The following TENT4A variants were observed in gnomAD, a reference collection of about 807,000 sequenced individuals.
TENT4A encodes DNA polymerase kappa.
In TENT4A, 7 loss-of-function variants were observed where a neutral mutation model predicts 72.8. The ratio of observed to expected loss-of-function variants is 0.10; its 90% CI spans 0.05 to 0.18. The LOEUF (loss-of-function observed/expected upper bound fraction) is 0.18, where lower values mean the gene tolerates loss of function less well. TENT4A is among the 10% of genes least tolerant of loss of function. The pLI is 1.00. For synonymous variants in TENT4A, 456 were observed against 434.3 expected (o/e 1.05, Z -0.62); for missense variants, 831 against 1,017.7 (o/e 0.82, Z 2.50).
intron 11 of TENT4A, among the ~76,000 whole-genome samples, chr5:6,752,170 C>T (rs1185660367): frequency 6.6e-6 from 1 of 152,222 alleles, no homozygotes; most frequent in Non-Finnish European, 1.5e-5. Context: ...TTTAACCACC[C>T]ACAAGCCTTG....
At chr5:6,715,300 A>G (rs531544400) in intron 1 of TENT4A, among the ~76,000 whole-genome samples, 3 of 152,334 alleles carry the variant, frequency 2.0e-5, no homozygotes, top group South Asian at 2.1e-4. Flanking sequence ...ATATATGTCT[A>G]TTCTTTGGAA....
Position 6,714,635 on chromosome 5 carries a change from G to T in TENT4A, c.652G>T (p.Gly218Trp), listed in dbSNP as rs1254092658. 2 of 1,198,554 alleles carry T rather than the reference G, an allele frequency of 1.7e-6. No individual in the cohort carries two copies. Among genetic ancestry groups the T allele is most frequent in the Admixed American group, 4.5e-5 (1 of 22,462 alleles). 74.2% of individuals were successfully genotyped at this position (1,198,554 alleles called of 1,614,324 possible). A position where few individuals can be genotyped will look rare whatever the true frequency, so the allele number is the denominator to read the frequency against. ...CGCTCTCAGCGGAGGGGGCGGCCCC[G>T]GGGCCCAGGCGCCGCGGCCCGGCAC... is the stretch of plus-strand genomic sequence containing the variant. The part of the protein sequence containing the change: ...AAALSGGGGP[G>W]AQAPRPGTPW... The change falls in exon 1 of 13, where the codon GGG becomes TGG. Residue 218 changes from glycine (G) to tryptophan (W), a missense_variant. Transcript: ENST00000230859.
chr5:6,750,571 C>A, intron 10 of TENT4A, 68 bp downstream of exon 10: 2 of 1,396,504 alleles, frequency 1.4e-6, no homozygotes, highest in Non-Finnish European at 1.9e-6. Context: ...TCCATAGCCG[C>A]GAGCTTAAAA....
In TENT4A at chr5:6,750,227, A is replaced by G. The variant is rs187965761; in HGVS notation, c.1688-104A>G. 19 of 840,588 alleles carry G rather than the reference A, an allele frequency of 2.3e-5. No homozygotes were observed. In the South Asian group the frequency reaches 2.5e-4, roughly 11 times the overall value. 52.1% of individuals were successfully genotyped at this position (840,588 alleles called of 1,614,324 possible). ...ACCTAATGTTGGGTTTGTTAGTCAC[A>G]TTAGCAGCGTTCCCGGCTCAGCAGA... On this transcript the variant is annotated intron_variant, in intron 9 of 12. Transcript: ENST00000230859.
At chr5:6,745,740 G>A (rs1742053388) in intron 6 of TENT4A, among the ~76,000 whole-genome samples, 1 of 152,180 alleles carries the variant, frequency 6.6e-6, no homozygotes, top group African/African-American at 2.4e-5. Flanking sequence ...TAATGCTAAT[G>A]ACCTTTACAC....
chr5:6,729,057 T>C (rs1741077359), intron 1 of TENT4A, among the ~76,000 whole-genome samples: 1 of 152,198 alleles, frequency 6.6e-6, no homozygotes, highest in South Asian at 2.1e-4. Context: ...ATGTACACAA[T>C]TTTCTGAATA....
chr5:6,738,759 G>C, intron 3 of TENT4A, 30 bp downstream of exon 3: 1 of 1,547,638 alleles, frequency 6.5e-7, no homozygotes, highest in Non-Finnish European at 8.9e-7. Context: ...GCATGGGCTA[G>C]TGGGGGGCTG....
At chr5:6,730,564 C>T (rs1398420328) in intron 1 of TENT4A, among the ~76,000 whole-genome samples, 1 of 152,114 alleles carries the variant, frequency 6.6e-6, no homozygotes, top group Non-Finnish European at 1.5e-5. Flanking sequence ...CTTGCCTGGC[C>T]TTCCCCTTAC....
At chr5:6,717,233 C>T (rs115763941) in intron 1 of TENT4A, among the ~76,000 whole-genome samples, 2,817 of 152,356 alleles carry the variant, frequency 0.018, 35 homozygotes, top group South Asian at 0.04. Context: ...TGTGGCTTAG[C>T]TAAGGAAATA....
intron 5 of TENT4A, among the ~76,000 whole-genome samples, chr5:6,743,276 C>T (rs1413266495): frequency 1.3e-5 from 2 of 152,182 alleles, no homozygotes; most frequent in African/African-American, 4.8e-5. Context: ...CCAAGCGCAA[C>T]ACGAACAGCA....
intron 1 of TENT4A, among the ~76,000 whole-genome samples, chr5:6,735,190 T>C (rs935165339): frequency 2.0e-5 from 3 of 152,240 alleles, no homozygotes; most frequent in African/African-American, 7.2e-5. Flanking sequence ...TATCCTAGCT[T>C]TGGCATTCTT....
At chr5:6,749,522 G>T (rs1167049768) in intron 8 of TENT4A, 35 bp from the exon 9 acceptor site, 2 of 1,401,402 alleles carry the variant, frequency 1.4e-6, no homozygotes, top group South Asian at 2.3e-5. Context: ...GACACCTGTT[G>T]TACTCTGTTG....
chr5:6,723,997 AG>A (rs1302383752), intron 1 of TENT4A, among the ~76,000 whole-genome samples: 1 of 152,248 alleles, frequency 6.6e-6, no homozygotes, highest in Non-Finnish European at 1.5e-5. Flanking sequence ...TTGAAAGACA[AG>A]GCAGGACTGG....
chr5:6,744,032 A>G (rs1741956574), intron 6 of TENT4A, among the ~76,000 whole-genome samples, 192 bp downstream of exon 6: 1 of 152,198 alleles, frequency 6.6e-6, no homozygotes, highest in South Asian at 2.1e-4. Context: ...CTCATTTTGT[A>G]CTGGGTGTAA....
chr5:6,722,507 T>G (rs1231174520), intron 1 of TENT4A, among the ~76,000 whole-genome samples: 1 of 151,974 alleles, frequency 6.6e-6, no homozygotes, highest in Admixed American at 6.6e-5. Flanking sequence ...TAACAATGCC[T>G]TAATGATGAA....
chr5:6,714,194 G>C lies in TENT4A; in HGVS notation c.211G>C (p.Ala71Pro), dbSNP rs1740237838. Reference sequence around the variant, plus strand: ...CGGCCTGGGCCCCGCGCTGCCCGCCGCGTCGCCCCCGCCGCCCGGCCCCAC... The same window carrying C: ...CGGCCTGGGCCCCGCGCTGCCCGCCCCGTCGCCCCCGCCGCCCGGCCCCAC... ...SGGLGPALPAASPPPPGPTAP... is the reference protein window; with the variant it reads ...SGGLGPALPAPSPPPPGPTAP... The change falls in exon 1 of 13, where the codon GCG (alanine) becomes CCG (proline). Residue 71 changes from alanine to proline, a missense_variant. By Grantham distance (27) the Ala-to-Pro change is conservative (BLOSUM62 -1). Transcript: ENST00000230859. The C allele has an allele frequency of 1.0e-6, 1 of 958,508 alleles. No individual in the cohort carries two copies. Among genetic ancestry groups the C allele is most frequent in the Admixed American group, 6.6e-5 (1 of 15,128 alleles). The allele number at this position is 958,508 out of a possible 1,614,324, so 59.4% of individuals were successfully genotyped here. A position where few individuals can be genotyped will look rare whatever the true frequency, so the allele number is the denominator to read the frequency against.
chr5:6,751,758 T>TTG (rs1290640621), intron 11 of TENT4A, among the ~76,000 whole-genome samples: 7 of 152,250 alleles, frequency 4.6e-5, no homozygotes, highest in Non-Finnish European at 1.0e-4. Context: ...TATACATCAC[T>TTG]TGAATATGTG....
At position 6,754,907 on chromosome 5, in the gene TENT4A, C is replaced by T. The variant is rs773506128; in HGVS notation, c.2341C>T (p.His781Tyr). ...RTGWRRKKHT[H>Y]TRDSLPVSLS... ...CGGCTGGAGGAGGAAAAAACACACA[C>T]ACACACGGGACAGTCTGCCCGTGAG... is the stretch of plus-strand genomic sequence containing the variant. The change falls in exon 13 of 13, where the codon CAC becomes TAC. Residue 781 changes from histidine to tyrosine, a missense_variant. Around this residue, in one of 3 missense-constraint regions of TENT4A, gnomAD observed 332 missense variants for 324.3 expected, o/e 1.02. Transcript: ENST00000230859. 33 of 1,602,372 alleles carry T rather than the reference C, an allele frequency of 2.1e-5. No individual in the cohort carries two copies. Among genetic ancestry groups the T allele is most frequent in the Non-Finnish European group, 2.8e-5 (33 of 1,171,468 alleles).
rs556558634 is a variant in TENT4A, at chr5:6,742,550, A to G, written c.1069A>G (p.Met357Val). ...TEVKVDISFN[M>V]ETGVRAAEFI... ...AGTGAAAGTTGACATCAGCTTTAAC[A>G]TGGAGACGGGCGTCCGGGCAGCGGA... is the stretch of plus-strand genomic sequence containing the variant. Residue 357 changes from methionine (M) to valine (V), a missense_variant, in exon 5 of 13, where the codon ATG (methionine) becomes GTG (valine). Physicochemically the swap from Met to Val is conservative, Grantham distance 21. Coordinates refer to ENST00000230859, the MANE Select transcript of TENT4A (RefSeq NM_006999.6). 1 of 1,613,764 alleles carries G rather than the reference A, an allele frequency of 6.2e-7. No individual in the cohort carries two copies. Among genetic ancestry groups the G allele is most frequent in the Non-Finnish European group, 8.5e-7 (1 of 1,179,616 alleles).
Sources: gnomAD v4.1 joint callset for allele counts (sites outside exome capture counted in the v4.1 genomes callset) on GRCh38, gnomAD v4.1.1 for gene constraint, gnomAD v4.1.1 regional missense constraint, MANE v1.5 for transcripts, NCBI Gene and HGNC (gene_info 2026-07-23, HGNC 2026-07-21) for gene names.